Variants in KIF27 observed in about 807,000 individuals in gnomAD.
The protein encoded by KIF27 is kinesin-like protein KIF27.
KIF27 carries 84 observed loss-of-function variants against 141.8 expected under a neutral mutation model. The observed-to-expected ratio is 0.59, with a 90% CI of 0.50 to 0.71. The LOEUF is 0.71. Among genes scored for constraint, KIF27 ranks in the 30% least tolerant of loss-of-function variants. The pLI, the probability that KIF27 is intolerant of heterozygous loss-of-function variation, is 0.00. For synonymous variants in KIF27, 471 were observed against 569.5 expected (o/e 0.83, Z 2.46); for missense variants, 1,306 against 1,628.4 (o/e 0.80, Z 3.41).
intron 16 of KIF27, among the ~76,000 whole-genome samples, chr9:83,848,160 A>ATCTGATATATCTGATATATCAGATATC (rs796669934): frequency 2.3e-5 from 1 of 42,968 alleles, no homozygotes; most frequent in Admixed American, 1.9e-4. Context: ...TATATCATAT[A>ATCTGATATATCTGATATATCAGATATC]TGATATATCT....
At chr9:83,848,814 T>C (rs1324225350) in intron 16 of KIF27, 2 of 151,720 alleles carry the variant, frequency 1.3e-5, no homozygotes, top group Non-Finnish European at 2.9e-5. Context: ...AATGACTTTT[T>C]TACTTTTTTT....
Position 83,847,157 on chromosome 9 carries a change from G to A in KIF27, c.3556+2942C>T, listed in dbSNP as rs118022825. Among the ~76,000 whole-genome samples, 1,215 of 152,294 alleles carry A rather than the reference G, an allele frequency of 8.0e-3. 31 individuals carry two copies. The highest frequency in any genetic ancestry group is 0.037 in the East Asian group (190 of 5,184). ...AAACCCACAACCTGCTGAGCTGCTT[G>A]CTAAAGGCAAAGGGAATACAGAATG... On this transcript the variant is annotated intron_variant, in intron 16 of 17. Coordinates refer to ENST00000297814, the MANE Select transcript of KIF27 (RefSeq NM_017576.4).
Position 83,853,724 on chromosome 9 carries a change from G to A in KIF27, c.3262C>T (p.His1088Tyr), listed in dbSNP as rs1411363040. Residue 1088 changes from histidine to tyrosine, a missense_variant, in exon 15 of 18, where the codon CAT (histidine) becomes TAT (tyrosine). His to Tyr is a moderately conservative substitution (Grantham distance 83). Transcript: ENST00000297814. ...NRQKSLRASF[H>Y]NLSRGEANVL... The stretch of plus-strand genomic sequence containing the variant: ...TTTGCTTCACCACGAGAGAGGTTAT[G>A]GAATGATGCTCTAAGTGACTTCTGG... 6.2e-7 allele frequency: 1 copy of A among 1,613,734 alleles called. No individual in the cohort carries two copies. Among genetic ancestry groups the A allele is most frequent in the Non-Finnish European group, 8.5e-7 (1 of 1,179,712 alleles).
chr9:83,914,329 G>A (rs1480020333), intron 2 of KIF27, among the ~76,000 whole-genome samples: 1 of 151,908 alleles, frequency 6.6e-6, no homozygotes, highest in Admixed American at 6.6e-5. Flanking sequence ...TAATCCTGCA[G>A]AATATACAGA....
chr9:83,913,595 C>T (rs551280333), intron 2 of KIF27, among the ~76,000 whole-genome samples: 201 of 152,258 alleles, frequency 1.3e-3, no homozygotes, highest in Non-Finnish European at 2.3e-3. Flanking sequence ...TGCCACGACG[C>T]CCAGCTAATT....
intron 17 of KIF27, among the ~76,000 whole-genome samples, chr9:83,840,801 T>A (rs999142369): frequency 8.5e-5 from 13 of 152,334 alleles, no homozygotes; most frequent in African/African-American, 2.6e-4. Context: ...AATCAGAAAG[T>A]GTAATCTCTT....
intron 5 of KIF27, among the ~76,000 whole-genome samples, chr9:83,893,561 A>G (rs1415670877): frequency 6.6e-6 from 1 of 152,050 alleles, no homozygotes; most frequent in East Asian, 1.9e-4. Context: ...AAAAGTCACA[A>G]TGAAAATTAG....
Position 83,903,392 on chromosome 9 carries a change from C to T in KIF27, c.1126G>A (p.Gly376Ser), listed in dbSNP as rs200024207. 1 of 1,614,016 alleles carries T rather than the reference C, an allele frequency of 6.2e-7. No homozygotes were observed. The highest frequency in any genetic ancestry group is 8.5e-7 in the Non-Finnish European group (1 of 1,180,020). Residue 376 changes from glycine to serine, a missense_variant, in exon 4 of 18, where the codon GGT becomes AGT. By Grantham distance (56) the Gly-to-Ser change is moderately conservative. Transcript: ENST00000297814. ...TTGATCTGGGTAGTTTGGCTGACAC[C>T]AGCCTGCTGGCTTTGCAAAGCTTCT... Reference protein sequence around the residue: ...LREALQSQQAGVSQTTQINRE... With the variant: ...LREALQSQQASVSQTTQINRE...
At chr9:83,892,683 T>C (rs1952795958) in intron 5 of KIF27, among the ~76,000 whole-genome samples, 1 of 151,966 alleles carries the variant, frequency 6.6e-6, no homozygotes, top group African/African-American at 2.4e-5. Context: ...ATATCTAAAA[T>C]AGACACAGAA....
intron 12 of KIF27, 95 bp from the exon 13 acceptor site, chr9:83,867,955 A>T (rs749207442): frequency 3.4e-5 from 43 of 1,267,256 alleles, no homozygotes; most frequent in Non-Finnish European, 4.4e-5. Context: ...AAATCTCTTA[A>T]ATGAACATTT....
rs760518358 is a variant in KIF27, at chr9:83,859,302, T to G, written c.3004A>C (p.Asn1002His). ...NLLEQELSEKNVQLQTSTAEE... is the reference protein window; with the variant it reads ...NLLEQELSEKHVQLQTSTAEE... ...GCTGTACTGGTCTGGAGCTGCACAT[T>G]CTTTTCAGACAACTCTTGTTCCAGT... is the stretch of plus-strand genomic sequence containing the variant. The change falls in exon 14 of 18, where the codon AAT becomes CAT. Residue 1002 changes from asparagine (N) to histidine (H), a missense_variant. By Grantham distance (68) the Asn-to-His change is moderately conservative (BLOSUM62 1). Transcript: ENST00000297814. 6.2e-7 allele frequency: 1 copy of G among 1,614,178 alleles called. No homozygotes were observed. The highest frequency in any genetic ancestry group is 1.1e-5 in the South Asian group (1 of 91,084).
intron 1 of KIF27, among the ~76,000 whole-genome samples, chr9:83,918,802 G>A (rs143599152): frequency 0.01 from 1,546 of 151,828 alleles, 26 homozygotes; most frequent in African/African-American, 0.035. Flanking sequence ...TTAGCCAGGC[G>A]CAGTGGCTCA....
At chr9:83,899,588 T>C in intron 5 of KIF27, 73 bp downstream of exon 5, 1 of 1,052,142 alleles carries the variant, frequency 9.5e-7, no homozygotes, top group South Asian at 1.9e-5. Context: ...CCATTTATCA[T>C]TTAAAATGCT....
At chr9:83,901,759 G>C (rs1953917201) in intron 4 of KIF27, among the ~76,000 whole-genome samples, 1 of 152,124 alleles carries the variant, frequency 6.6e-6, no homozygotes, top group Non-Finnish European at 1.5e-5. Context: ...TATAGTCCCA[G>C]ATACTCGGGA....
At position 83,880,415 on chromosome 9, in the gene KIF27, T is replaced by C; in HGVS notation, c.2525A>G (p.Glu842Gly). The C allele has an allele frequency of 6.2e-7, 1 of 1,613,710 alleles. No individual in the cohort carries two copies. The highest frequency in any genetic ancestry group is 8.5e-7 in the Non-Finnish European group (1 of 1,179,838). The part of the protein sequence containing the change: ...IQNEKRANEL[E>G]QSVDHMKYQK... ...ATATTTCATGTGATCTACACTCTGC[T>C]CTAGCTCATTAGCACGTTTCTCATT... Residue 842 changes from glutamate to glycine, a missense_variant, in exon 11 of 18, where the codon GAG becomes GGG. Glu to Gly is a moderately conservative substitution (Grantham distance 98, BLOSUM62 -2). Transcript: ENST00000297814.
intron 17 of KIF27, among the ~76,000 whole-genome samples, chr9:83,840,452 T>C (rs998804461): frequency 3.9e-5 from 6 of 152,192 alleles, no homozygotes; most frequent in Non-Finnish European, 8.8e-5. Context: ...GATTTGTCTG[T>C]TTGTTTGGTT....
At chr9:83,905,679 C>T (rs1196640700) in intron 3 of KIF27, among the ~76,000 whole-genome samples, 1 of 152,130 alleles carries the variant, frequency 6.6e-6, no homozygotes, top group Non-Finnish European at 1.5e-5. Flanking sequence ...TATAAGTTAG[C>T]ACTATGGTTC....
At chr9:83,907,161 G>A (rs1954638282) in intron 3 of KIF27, among the ~76,000 whole-genome samples, 1 of 151,746 alleles carries the variant, frequency 6.6e-6, no homozygotes, top group African/African-American at 2.4e-5. Flanking sequence ...ATGGTGGCGG[G>A]CGCCTGTAGT....
At chr9:83,886,379 G>C (rs572835309) in intron 9 of KIF27, among the ~76,000 whole-genome samples, 8 of 152,184 alleles carry the variant, frequency 5.3e-5, no homozygotes, top group African/African-American at 1.9e-4. Context: ...AGAACCAAGG[G>C]CAATTTGGAG....
Sources: gnomAD v4.1 joint callset for allele counts (sites outside exome capture counted in the v4.1 genomes callset) on GRCh38, gnomAD v4.1.1 for gene constraint, MANE v1.5 for transcripts, NCBI Gene and HGNC (gene_info 2026-07-23, HGNC 2026-07-21) for gene names.